The following ZFYVE28 variants were observed in gnomAD, a reference collection of about 807,000 sequenced individuals.
The protein encoded by ZFYVE28 is lateral signaling target protein 2 homolog.
ZFYVE28 carries 40 observed loss-of-function variants against 82.1 expected under a neutral mutation model. That is an observed-to-expected ratio of 0.49 (90% CI 0.38 to 0.63). The LOEUF (loss-of-function observed/expected upper bound fraction) is 0.63, where lower values mean the gene tolerates loss of function less well. Among genes scored for constraint, ZFYVE28 ranks in the 30% least tolerant of loss-of-function variants. The pLI, the probability that ZFYVE28 is intolerant of heterozygous loss-of-function variation, is 0.00. For missense variants in ZFYVE28, 1,321 were observed against 1,242.1 expected (o/e 1.06, Z -0.96); for synonymous variants, 612 against 546.1 (o/e 1.12, Z -1.68).
chr4:2,339,632 G>T lies in ZFYVE28; in HGVS notation c.342C>A (p.Ile114=). 6.2e-7 allele frequency: 1 copy of T among 1,607,754 alleles called. No homozygotes were observed. The highest frequency in any genetic ancestry group is 8.5e-7 in the Non-Finnish European group (1 of 1,177,730). Residue 114 remains isoleucine (I), a synonymous_variant, in exon 4 of 13, where the codon ATC becomes ATA. Coordinates refer to ENST00000290974, the MANE Select transcript of ZFYVE28 (RefSeq NM_020972.3). This position sits in a 1 kb window ranked among gnomAD's most constrained non-coding sequence, Gnocchi z 5.0. ...GAECLAAGSI[I]MNRELESMAM... Reference sequence around the variant, plus strand: ...CCATGCTCTCCAGCTCCCGGTTCATGATGATGGAGCCGGCGGCCAGGCACT... The same window carrying T: ...CCATGCTCTCCAGCTCCCGGTTCATTATGATGGAGCCGGCGGCCAGGCACT...
At chr4:2,381,322 G>A (rs1034758566) in intron 1 of ZFYVE28, among the ~76,000 whole-genome samples, 1 of 152,248 alleles carries the variant, frequency 6.6e-6, no homozygotes, top group Non-Finnish European at 1.5e-5. Flanking sequence ...CATTCAAGAA[G>A]TGACTTGGGT....
At chr4:2,329,021 TG>T (rs1420944130) in intron 6 of ZFYVE28, 1 of 672,348 alleles carries the variant, frequency 1.5e-6, no homozygotes, top group African/African-American at 1.8e-5. Flanking sequence ...GGTTTTGACT[TG>T]TAGTAAGTTT....
intron 9 of ZFYVE28, among the ~76,000 whole-genome samples, chr4:2,273,540 G>T (rs545202182): frequency 6.6e-6 from 1 of 152,178 alleles, no homozygotes; most frequent in Non-Finnish European, 1.5e-5. Flanking sequence ...TCGGTCTGCC[G>T]CTGACATTCA....
intron 5 of ZFYVE28, among the ~76,000 whole-genome samples, chr4:2,336,372 A>C (rs73087140): frequency 0.048 from 7,378 of 152,292 alleles, 581 homozygotes; most frequent in African/African-American, 0.17. Context: ...AAGCACAAAG[A>C]GTAAAAATTT....
intron 1 of ZFYVE28, among the ~76,000 whole-genome samples, chr4:2,357,117 G>C (rs1456835424): frequency 1.3e-5 from 2 of 152,098 alleles, no homozygotes; most frequent in Non-Finnish European, 2.9e-5. Flanking sequence ...GGCTGGTCTC[G>C]AGCTCCTGAC....
rs761629764 is a variant in ZFYVE28, at chr4:2,305,091, C to T, written c.1249G>A (p.Glu417Lys). 6.9e-6 allele frequency: 11 copies of T among 1,605,390 alleles called. No homozygotes were observed. Among genetic ancestry groups the T allele is most frequent in the East Asian group, 2.2e-5 (1 of 44,772 alleles). ...EGTAEALARP[E>K]SPAGPFGWAG... ...CACCCAAATGGGCCAGCTGGGGACT[C>T]GGGCCTGGCCAGGGCTTCTGCCGTC... The change falls in exon 8 of 13, where the codon GAG becomes AAG. Residue 417 changes from glutamate to lysine, a missense_variant. Around this residue, in one of 2 missense-constraint regions of ZFYVE28, gnomAD observed 978 missense variants for 833.7 expected, o/e 1.17. Transcript: ENST00000290974.
chr4:2,271,934 T>C (rs1468537582), intron 10 of ZFYVE28, among the ~76,000 whole-genome samples, 155 bp from the exon 11 acceptor site: 2 of 152,152 alleles, frequency 1.3e-5, no homozygotes, highest in Non-Finnish European at 2.9e-5. Flanking sequence ...CACAGCAGGT[T>C]GGGCGCCGAT....
intron 1 of ZFYVE28, among the ~76,000 whole-genome samples, chr4:2,366,753 G>A (rs1726935503): frequency 6.6e-6 from 1 of 152,232 alleles, no homozygotes; most frequent in African/African-American, 2.4e-5. Flanking sequence ...AGAAGGAGAT[G>A]CTCCCCAGAA....
intron 8 of ZFYVE28, among the ~76,000 whole-genome samples, chr4:2,274,853 T>C (rs527987075): frequency 1.2e-3 from 162 of 137,226 alleles, no homozygotes; most frequent in African/African-American, 5.2e-3. Flanking sequence ...AAGGAACACC[T>C]GGAGTCCCCA....
At chr4:2,275,289 G>A (rs935748437) in intron 8 of ZFYVE28, among the ~76,000 whole-genome samples, 1 of 152,206 alleles carries the variant, frequency 6.6e-6, no homozygotes, top group Non-Finnish European at 1.5e-5. Context: ...AGCTGGGCCT[G>A]TACTAACTCC....
intron 6 of ZFYVE28, chr4:2,324,784 T>C (rs1166976905): frequency 1.3e-5 from 2 of 154,480 alleles, no homozygotes; most frequent in African/African-American, 4.8e-5. Flanking sequence ...TCTGTTTGTA[T>C]TGAAAAATAA....
chr4:2,399,540 C>T (rs1404213647), intron 1 of ZFYVE28, among the ~76,000 whole-genome samples: 3 of 152,182 alleles, frequency 2.0e-5, no homozygotes, highest in Non-Finnish European at 4.4e-5. Flanking sequence ...TCTGCCAAGT[C>T]CCAAGCTCAA....
At chr4:2,278,601 G>A (rs1205276102) in intron 8 of ZFYVE28, among the ~76,000 whole-genome samples, 2 of 151,682 alleles carry the variant, frequency 1.3e-5, no homozygotes, top group Non-Finnish European at 2.9e-5. Context: ...CAGATAACTG[G>A]ACTTCATCAA....
chr4:2,283,164 C>T (rs1329858933), intron 8 of ZFYVE28, among the ~76,000 whole-genome samples: 1 of 146,798 alleles, frequency 6.8e-6, no homozygotes, highest in Admixed American at 6.8e-5. Context: ...ACCTATCCAT[C>T]CATCCACCCA....
chr4:2,418,542 C>T lies in ZFYVE28; in HGVS notation c.-219G>A, dbSNP rs1321296904. ...TATGCTCTGCAAGCGGCGCGCCGGG[C>T]AGACCTCAGACCCGGGAGTGGGCGC... On this transcript the variant is annotated 5_prime_UTR_variant, in exon 1 of 13. Transcript: ENST00000290974. The surrounding 1 kb of genome is among the most constrained non-coding windows in gnomAD (Gnocchi z 4.6). The T allele has an allele frequency of 5.9e-6, 1 of 170,406 alleles. No individual in the cohort carries two copies. The highest frequency in any genetic ancestry group is 2.4e-5 in the African/African-American group (1 of 41,498). The allele number at this position is 170,406 out of a possible 1,614,324, so 10.6% of individuals were successfully genotyped here.
intron 1 of ZFYVE28, among the ~76,000 whole-genome samples, chr4:2,365,284 G>A (rs1726742880): frequency 6.6e-6 from 1 of 152,090 alleles, no homozygotes; most frequent in Admixed American, 6.5e-5. Context: ...AGGGGACAAG[G>A]GCGTGAGGAG....
chr4:2,305,009 G>A lies in ZFYVE28; in HGVS notation c.1331C>T (p.Ala444Val), dbSNP rs139543749. ...QEKGQGGPGGAAGISLPASEK... is the reference protein window; with the variant it reads ...QEKGQGGPGGVAGISLPASEK... Reference sequence around the variant, plus strand: ...CGAGGCGGGCAAGCTGATCCCCGCCGCTCCGCCTGGCCCACCCTGCCCTTT... The same window carrying A: ...CGAGGCGGGCAAGCTGATCCCCGCCACTCCGCCTGGCCCACCCTGCCCTTT... Residue 444 changes from alanine to valine, a missense_variant, in exon 8 of 13, where the codon GCG (alanine) becomes GTG (valine). Transcript: ENST00000290974. 1.5e-4 allele frequency: 239 copies of A among 1,612,734 alleles called. No homozygotes were observed. Among genetic ancestry groups the A allele is most frequent in the South Asian group, 2.5e-4 (23 of 91,074 alleles).
intron 1 of ZFYVE28, among the ~76,000 whole-genome samples, chr4:2,355,069 G>A (rs776973525): frequency 1.3e-5 from 2 of 150,968 alleles, no homozygotes; most frequent in African/African-American, 4.9e-5. Flanking sequence ...GGTGCTCTAC[G>A]CACACAGCAC....
At chr4:2,333,824 A>G (rs778456591) in intron 6 of ZFYVE28, among the ~76,000 whole-genome samples, 1 of 152,210 alleles carries the variant, frequency 6.6e-6, no homozygotes, top group Non-Finnish European at 1.5e-5. Context: ...CTGTTTTTTA[A>G]ACAAAGAGAA....
Sources: gnomAD v4.1 joint callset for allele counts (sites outside exome capture counted in the v4.1 genomes callset) on GRCh38, gnomAD v4.1.1 for gene constraint, gnomAD v4.1.1 regional missense constraint, Gnocchi (gnomAD v3.1) non-coding constraint, MANE v1.5 for transcripts, NCBI Gene and HGNC (gene_info 2026-07-23, HGNC 2026-07-21) for gene names.